Variants in PDE6A observed in about 807,000 individuals in gnomAD.
PDE6A encodes the protein phosphodiesterase 6A.
A neutral mutation model predicts 106.3 loss-of-function variants in PDE6A; 84 were observed. The observed-to-expected ratio is 0.79, with a 90% CI of 0.66 to 0.95. The LOEUF is 0.95. Ranked by LOEUF, PDE6A falls within the 40% of genes least tolerant of loss-of-function variation. PDE6A has a pLI of 0.00. For missense variants in PDE6A, 1,052 were observed against 1,084.9 expected, an observed-to-expected ratio of 0.97 and a Z score of 0.43; for synonymous variants, 394 against 386.6, an observed-to-expected ratio of 1.02 and a Z score of -0.23.
At chr5:149,914,881 A>T in intron 6 of PDE6A, 62 bp downstream of exon 6, 1 of 1,090,278 alleles carries the variant, frequency 9.2e-7, no homozygotes, top group Non-Finnish European at 1.4e-6. Flanking sequence ...ATCACCGATA[A>T]AGCCAATTGA....
intron 4 of PDE6A, among the ~76,000 whole-genome samples, chr5:149,923,430 G>C (rs1753778398): frequency 6.6e-6 from 1 of 152,008 alleles, no homozygotes; most frequent in Non-Finnish European, 1.5e-5. Context: ...CCCGGGAGGG[G>C]GAGGTTGCAG....
At chr5:149,928,209 C>CCATATATATATATA (rs1554091926) in intron 4 of PDE6A, among the ~76,000 whole-genome samples, 3 of 44,558 alleles carry the variant, frequency 6.7e-5, no homozygotes, top group African/African-American at 2.7e-4. Context: ...ATTGTATGTG[C>CCATATATATATATA]TATATATATA....
intron 6 of PDE6A, among the ~76,000 whole-genome samples, chr5:149,908,681 T>G (rs960158996): frequency 6.7e-6 from 1 of 150,310 alleles, no homozygotes; most frequent in Admixed American, 7.1e-5. Context: ...TTTTACTCAT[T>G]TTTTGTTCCT....
chr5:149,938,241 A>G (rs530298820), intron 1 of PDE6A, among the ~76,000 whole-genome samples: 1 of 152,320 alleles, frequency 6.6e-6, no homozygotes, highest in South Asian at 2.1e-4. Context: ...CCTTTGCTGA[A>G]GTCAGAGTAT....
chr5:149,931,006 T>A (rs376029840), intron 4 of PDE6A, 22 bp downstream of exon 4: 23 of 1,612,926 alleles, frequency 1.4e-5, no homozygotes, highest in Non-Finnish European at 1.9e-5. Context: ...CTTGGAAATG[T>A]CTGTTGCTGA....
chr5:149,924,924 A>G (rs1753830177), intron 4 of PDE6A, among the ~76,000 whole-genome samples: 1 of 152,164 alleles, frequency 6.6e-6, no homozygotes, highest in Non-Finnish European at 1.5e-5. Context: ...CAAGGAGGAG[A>G]GACCCTTGAA....
Position 149,930,907 on chromosome 5 carries a change from C to T in PDE6A, c.858+121G>A, listed in dbSNP as rs1227940973. On this transcript the variant is annotated intron_variant, in intron 4 of 21. Transcript: ENST00000255266. ...GTAGAGACCTATGTAAGACTTTCTACAACCATCCCAATTCACCCAGCCTCT... is the reference window on the plus strand; with the variant it reads ...GTAGAGACCTATGTAAGACTTTCTATAACCATCCCAATTCACCCAGCCTCT... 4 of 1,034,998 alleles carry T rather than the reference C, an allele frequency of 3.9e-6. No homozygotes were observed. In the East Asian group the frequency reaches 9.6e-5, roughly 25 times the overall value. The allele number at this position is 1,034,998 out of a possible 1,614,324, so 64.1% of individuals were successfully genotyped here. A position where few individuals can be genotyped will look rare whatever the true frequency, so the allele number is the denominator to read the frequency against.
At chr5:149,935,105 C>G (rs1230380014) in intron 1 of PDE6A, among the ~76,000 whole-genome samples, 1 of 152,186 alleles carries the variant, frequency 6.6e-6, no homozygotes, top group Non-Finnish European at 1.5e-5. Context: ...ACGACAGTTG[C>G]TAGCAGGCAG....
At chr5:149,915,120 C>T (rs1171030235) in intron 5 of PDE6A, 113 bp from the exon 6 acceptor site, 1 of 648,300 alleles carries the variant, frequency 1.5e-6, no homozygotes, top group African/African-American at 1.9e-5. Flanking sequence ...CTGCAACCTC[C>T]ATCTCCTGCG....
chr5:149,885,495 C>A (rs1752261537), intron 14 of PDE6A, among the ~76,000 whole-genome samples: 1 of 152,212 alleles, frequency 6.6e-6, no homozygotes, highest in Non-Finnish European at 1.5e-5. Flanking sequence ...GAAATATAAG[C>A]TCTGTAAGGA....
chr5:149,934,836 G>T, intron 1 of PDE6A, 118 bp from the exon 2 acceptor site: 1 of 950,190 alleles, frequency 1.1e-6, no homozygotes, highest in Non-Finnish European at 1.7e-6. Context: ...CTTCAACAGG[G>T]GCAGGGAAAT....
rs113085428 is a variant in PDE6A, at chr5:149,902,464, G to T, written c.1113+1184C>A. ...CCACTGTAGCAAGTGTTAACATTTT[G>T]CCAATGCTTTCACAGAAGATATCTT... On this transcript the variant is annotated intron_variant, in intron 8 of 21. Coordinates refer to ENST00000255266, the MANE Select transcript of PDE6A (RefSeq NM_000440.3). Among the ~76,000 whole-genome samples the T allele has an allele frequency of 1.5e-3, 229 of 150,330 alleles. 1 individual carries two copies. The highest frequency in any genetic ancestry group is 5.4e-3 in the African/African-American group (222 of 40,746).
chr5:149,896,898 C>CAA, intron 10 of PDE6A, 122 bp from the exon 11 acceptor site: 1 of 1,072,046 alleles, frequency 9.3e-7, no homozygotes, highest in East Asian at 2.4e-5. Context: ...AAAGAGGATT[C>CAA]CATTTAACAT....
At chr5:149,908,794 A>G (rs1433000387) in intron 6 of PDE6A, among the ~76,000 whole-genome samples, 1 of 152,068 alleles carries the variant, frequency 6.6e-6, no homozygotes, top group Non-Finnish European at 1.5e-5. Flanking sequence ...AAGTGGGAGG[A>G]TCACTGGAAA....
chr5:149,914,981 G>T lies in PDE6A; in HGVS notation c.960C>A (p.Asp320Glu). 6.3e-7 allele frequency: 1 copy of T among 1,596,056 alleles called. No homozygotes were observed. The highest frequency in any genetic ancestry group is 8.6e-7 in the Non-Finnish European group (1 of 1,166,942). ...TGTCCTCTTTGCCATGCAGGATGTAGTCAATGACCTTGTAAAAGTTAATTT... is the reference window on the plus strand; with the variant it reads ...TGTCCTCTTTGCCATGCAGGATGTATTCAATGACCTTGTAAAAGTTAATTT... ...GREINFYKVI[D>E]YILHGKEDIK... is the part of the protein sequence containing the mutation. Residue 320 changes from aspartate to glutamate, a missense_variant, in exon 6 of 22, where the codon GAC becomes GAA. Asp to Glu is a conservative substitution (Grantham distance 45). This residue lies in a region of PDE6A where 913 missense variants were observed against 915.2 expected (regional missense o/e 1.00). Coordinates refer to ENST00000255266, the MANE Select transcript of PDE6A (RefSeq NM_000440.3).
chr5:149,932,196 A>T, intron 3 of PDE6A: 11 of 1,283,314 alleles, frequency 8.6e-6, no homozygotes, highest in Non-Finnish European at 1.3e-5. Context: ...TGTTCCTTCA[A>T]TTGTTGTATC....
At chr5:149,891,521 G>T (rs964165496) in intron 13 of PDE6A, among the ~76,000 whole-genome samples, 1 of 152,106 alleles carries the variant, frequency 6.6e-6, no homozygotes, top group East Asian at 1.9e-4. Flanking sequence ...AATGTTTGGG[G>T]CCAGGCGTGG....
chr5:149,890,620 C>G (rs1752510996), intron 13 of PDE6A, among the ~76,000 whole-genome samples: 1 of 152,120 alleles, frequency 6.6e-6, no homozygotes. Flanking sequence ...TTGTAATGAA[C>G]TCTCATGAGA....
At position 149,944,297 on chromosome 5, in the gene PDE6A, A is replaced by G. The variant is rs1338656955; in HGVS notation, c.377T>C (p.Val126Ala). The change falls in exon 1 of 22, where the codon GTG becomes GCG. Residue 126 changes from valine to alanine, a missense_variant. Physicochemically the swap from Val to Ala is moderately conservative, Grantham distance 64. This residue lies in a region of PDE6A where 913 missense variants were observed against 915.2 expected (regional missense o/e 1.00). Coordinates refer to ENST00000255266, the MANE Select transcript of PDE6A (RefSeq NM_000440.3). ...GAAGACGATCTCTTGGTCGGGCATC[A>G]CCAGGCAGTCCTCGAGGACAGCATC... Reference protein sequence around the residue: ...HKDAVLEDCLVMPDQEIVFPL... With the variant: ...HKDAVLEDCLAMPDQEIVFPL... The G allele has an allele frequency of 1.2e-5, 20 of 1,614,168 alleles. No homozygotes were observed. The highest frequency in any genetic ancestry group is 1.7e-5 in the Non-Finnish European group (20 of 1,180,036).
Sources: gnomAD v4.1 joint callset for allele counts (sites outside exome capture counted in the v4.1 genomes callset) on GRCh38, gnomAD v4.1.1 for gene constraint, gnomAD v4.1.1 regional missense constraint, MANE v1.5 for transcripts, NCBI Gene and HGNC (gene_info 2026-07-23, HGNC 2026-07-21) for gene names.